Variants in REV3L observed in about 807,000 individuals in gnomAD.
The protein encoded by REV3L is REV3 like, DNA directed polymerase zeta catalytic subunit, also known as DNA polymerase zeta catalytic subunit.
A neutral mutation model predicts 299.4 loss-of-function variants in REV3L; 69 were observed. The observed-to-expected ratio is 0.23, with a 90% CI of 0.19 to 0.28. The LOEUF (loss-of-function observed/expected upper bound fraction) is 0.28, where lower values mean the gene tolerates loss of function less well. Among genes scored for constraint, REV3L ranks in the 10% least tolerant of loss-of-function variants. The pLI is 1.00. For missense variants in REV3L, 3,128 were observed against 3,693.8 expected (o/e 0.85, Z 3.97); for synonymous variants, 1,238 against 1,271.4 (o/e 0.97, Z 0.56).
rs762851045 is a variant in REV3L, at chr6:111,300,082, T to C, written c.9327A>G (p.Lys3109=). 1.2e-6 allele frequency: 2 copies of C among 1,613,512 alleles called. No individual in the cohort carries two copies. Among genetic ancestry groups the C allele is most frequent in the Non-Finnish European group, 1.7e-6 (2 of 1,179,736 alleles). The change falls in exon 32 of 32, where the codon AAA becomes AAG. Residue 3109 remains lysine, a synonymous_variant. Transcript: ENST00000368802. ...ACAATTCTCTATTTACTCGGGAGAGTTTGAAAAGTACTGGGCAGTTCAGAG... is the reference window on the plus strand; with the variant it reads ...ACAATTCTCTATTTACTCGGGAGAGCTTGAAAAGTACTGGGCAGTTCAGAG... ...CVSLNCPVLF[K]LSRVNRELSK...
chr6:111,310,188 A>C (rs991971993), intron 29 of REV3L, 89 bp from the exon 30 acceptor site: 3 of 1,400,558 alleles, frequency 2.1e-6, no homozygotes. Context: ...AACAATAATA[A>C]AACAATGAAA....
intron 30 of REV3L, 157 bp downstream of exon 30, chr6:111,309,696 A>G (rs1582446982): frequency 1.7e-5 from 13 of 755,088 alleles, no homozygotes; most frequent in Non-Finnish European, 2.2e-5. Flanking sequence ...TTCTCTACCC[A>G]GCACTTCCCC....
chr6:111,452,772 A>T (rs1789705075), intron 1 of REV3L, among the ~76,000 whole-genome samples: 1 of 152,190 alleles, frequency 6.6e-6, no homozygotes, highest in Non-Finnish European at 1.5e-5. Flanking sequence ...TAATTGGTCC[A>T]TTTTATTATA....
In REV3L at chr6:111,424,230, C is replaced by T. The variant is rs113138110; in HGVS notation, c.140-7758G>A. Among the ~76,000 whole-genome samples the T allele has an allele frequency of 7.3e-3, 1,114 of 152,184 alleles. 12 individuals are homozygous for T. The highest frequency in any genetic ancestry group is 0.026 in the African/African-American group (1,060 of 41,502). ...AATTTGATAATATAAACATATTAGC[C>T]ATGGAACCAGTGTTCCAAGGATCCA... On this transcript the variant is annotated intron_variant, in intron 1 of 31. Coordinates refer to ENST00000368802, the MANE Select transcript of REV3L (RefSeq NM_001372078.1).
intron 27 of REV3L, among the ~76,000 whole-genome samples, chr6:111,314,257 A>G (rs777719087): frequency 1.3e-5 from 2 of 152,244 alleles, no homozygotes; most frequent in Non-Finnish European, 2.9e-5. Context: ...AAGAAAGAAT[A>G]TATCTTCCAT....
intron 16 of REV3L, among the ~76,000 whole-genome samples, chr6:111,359,380 T>C (rs1277986443): frequency 2.6e-5 from 4 of 152,240 alleles, no homozygotes; most frequent in African/African-American, 9.6e-5. Flanking sequence ...CTAAACTATA[T>C]AGTTTTACCT....
In REV3L at chr6:111,373,150, G is replaced by A; in HGVS notation, c.5205C>T (p.Ser1735=). Residue 1735 remains serine, a synonymous_variant, in exon 13 of 32, where the codon AGC becomes AGT. Coordinates refer to ENST00000368802, the MANE Select transcript of REV3L (RefSeq NM_001372078.1). ...PEIFEKSTID[S]NENRRHNQWK... ...ACTGGTTGTGGCGACGATTCTCATT[G>A]CTATCTATGGTTGACTTCTCAAAAA... The A allele has an allele frequency of 6.2e-7, 1 of 1,614,124 alleles. No homozygotes were observed. The highest frequency in any genetic ancestry group is 8.5e-7 in the Non-Finnish European group (1 of 1,179,994).
rs1352612443 is a variant in REV3L at position 111,367,852 on chromosome 6, C to T, written c.5936G>A (p.Gly1979Glu). The T allele has an allele frequency of 6.2e-7, 1 of 1,613,888 alleles. No homozygotes were observed. The highest frequency in any genetic ancestry group is 2.2e-5 in the East Asian group (1 of 44,880). ...AACCATCTTAGGGCTATTACTTGAC[C>T]CTTTATTGACAACTCCTTGGCCACT... is the stretch of plus-strand genomic sequence containing the variant. ...LRSGQGVVNK[G>E]SSNSPKMVED... The change falls in exon 14 of 32, where the codon GGG becomes GAG. Residue 1979 changes from glycine (G) to glutamate (E), a missense_variant. Physicochemically the swap from Gly to Glu is moderately conservative, Grantham distance 98. Coordinates refer to ENST00000368802, the MANE Select transcript of REV3L (RefSeq NM_001372078.1).
In REV3L at chr6:111,483,150, C is replaced by T; in HGVS notation, c.-262G>A. The T allele has an allele frequency of 2.0e-6, 1 of 489,826 alleles. No individual in the cohort carries two copies. Among genetic ancestry groups the T allele is most frequent in the Admixed American group, 4.3e-5 (1 of 23,078 alleles). The allele number at this position is 489,826 out of a possible 1,614,324, so 30.3% of individuals were successfully genotyped here. On this transcript the variant is annotated 5_prime_UTR_variant, in exon 1 of 32. Coordinates refer to ENST00000368802, the MANE Select transcript of REV3L (RefSeq NM_001372078.1). Reference sequence around the variant, plus strand: ...GTGCTGGTGCTGCCGCCACTGCCGCCACCGCCGGGAATCACACGGGCTCCT... The same window carrying T: ...GTGCTGGTGCTGCCGCCACTGCCGCTACCGCCGGGAATCACACGGGCTCCT...
At chr6:111,418,861 T>C (rs536293586) in intron 1 of REV3L, among the ~76,000 whole-genome samples, 1 of 152,210 alleles carries the variant, frequency 6.6e-6, no homozygotes, top group Non-Finnish European at 1.5e-5. Context: ...AAAAAACACA[T>C]GGTATGTGCT....
intron 1 of REV3L, among the ~76,000 whole-genome samples, chr6:111,474,708 A>G (rs1256397777): frequency 3.3e-5 from 5 of 152,232 alleles, no homozygotes; most frequent in Non-Finnish European, 7.3e-5. Flanking sequence ...CTAAAGTTAA[A>G]AACAGTATTG....
chr6:111,310,160 CA>C (rs757564203), intron 29 of REV3L, 61 bp from the exon 30 acceptor site: 367 of 1,455,762 alleles, frequency 2.5e-4, no homozygotes, highest in Non-Finnish European at 8.0e-5. Context: ...ATCTTTCTCA[CA>C]AATTAAGTCA....
chr6:111,343,272 T>C (rs1280988423), intron 21 of REV3L, among the ~76,000 whole-genome samples: 1 of 152,208 alleles, frequency 6.6e-6, no homozygotes, highest in African/African-American at 2.4e-5. Flanking sequence ...CAGAAATACA[T>C]ACTATGTTTT....
intron 1 of REV3L, among the ~76,000 whole-genome samples, chr6:111,446,082 A>G (rs933120587): frequency 2.0e-5 from 3 of 152,212 alleles, no homozygotes; most frequent in Non-Finnish European, 4.4e-5. Flanking sequence ...CTGTACAGAC[A>G]TACATAATGT....
intron 28 of REV3L, 148 bp from the exon 29 acceptor site, chr6:111,311,407 A>G: frequency 2.0e-6 from 1 of 496,350 alleles, no homozygotes; most frequent in South Asian, 5.5e-5. Context: ...TAATAAAATT[A>G]TTAAAAATTG....
At chr6:111,391,027 T>C (rs1781872900) in intron 5 of REV3L, among the ~76,000 whole-genome samples, 1 of 152,122 alleles carries the variant, frequency 6.6e-6, no homozygotes, top group South Asian at 2.1e-4. Flanking sequence ...AAGTGGTTGA[T>C]GACATATTTC....
intron 8 of REV3L, 26 bp from the exon 9 acceptor site, chr6:111,387,939 T>A (rs773790381): frequency 1.2e-6 from 2 of 1,612,170 alleles, no homozygotes; most frequent in Admixed American, 3.3e-5. Context: ...ATATCCTTTA[T>A]AACAGACTAC....
At chr6:111,418,946 T>G (rs1382449167) in intron 1 of REV3L, among the ~76,000 whole-genome samples, 1 of 152,166 alleles carries the variant, frequency 6.6e-6, no homozygotes, top group African/African-American at 2.4e-5. Flanking sequence ...AGGAATGATG[T>G]GAAAGCCTTT....
intron 18 of REV3L, among the ~76,000 whole-genome samples, chr6:111,353,507 A>G (rs1358155032): frequency 1.3e-5 from 2 of 152,230 alleles, no homozygotes; most frequent in East Asian, 1.9e-4. Flanking sequence ...ATAAATTTTA[A>G]TATCTGGTGA....
Sources: gnomAD v4.1 joint callset for allele counts (sites outside exome capture counted in the v4.1 genomes callset) on GRCh38, gnomAD v4.1.1 for gene constraint, MANE v1.5 for transcripts, NCBI Gene and HGNC (gene_info 2026-07-23, HGNC 2026-07-21) for gene names.